The following C12orf54 variants were observed in gnomAD, a reference collection of about 807,000 sequenced individuals.
C12orf54 encodes uncharacterized protein C12orf54.
C12orf54 carries 24 observed loss-of-function variants against 26.4 expected under a neutral mutation model. That is an observed-to-expected ratio of 0.91 (90% CI 0.66 to 1.28). The LOEUF is 1.28. Ranked by LOEUF, C12orf54 falls within the 50% of genes most tolerant of loss-of-function variation. The probability of loss-of-function intolerance (pLI) is 0.00; values close to 1 mark genes in which losing one functional copy is unlikely to be tolerated. For missense variants in C12orf54, 154 were observed against 150.9 expected (o/e 1.02, Z -0.11); for synonymous variants, 54 against 47.0 (o/e 1.15, Z -0.61).
At chr12:48,446,282 A>C in the C12orf54 span, among the ~76,000 whole-genome samples, 1 of 152,228 alleles carries the variant, frequency 6.6e-6, no homozygotes, top group Non-Finnish European at 1.5e-5. Flanking sequence ...TAAAGACTTT[A>C]AAAAGCTTTT....
At chr12:48,447,930 T>C in the C12orf54 span, among the ~76,000 whole-genome samples, 1 of 152,150 alleles carries the variant, frequency 6.6e-6, no homozygotes, top group East Asian at 1.9e-4. Context: ...AAGTGACCTA[T>C]TGTTTGTTGC....
At chr12:48,453,996 G>A in the C12orf54 span, among the ~76,000 whole-genome samples, 1 of 151,894 alleles carries the variant, frequency 6.6e-6, no homozygotes, top group African/African-American at 2.4e-5. Context: ...GATACCATGA[G>A]GTCAGGGAAC....
chr12:48,437,434 C>A, the C12orf54 span, among the ~76,000 whole-genome samples: 20 of 152,056 alleles, frequency 1.3e-4, no homozygotes, highest in Non-Finnish European at 2.2e-4. Context: ...CAAAGCCGGG[C>A]AGAGACACAA....
At chr12:48,462,306 C>G in the C12orf54 span, among the ~76,000 whole-genome samples, 5 of 151,562 alleles carry the variant, frequency 3.3e-5, 1 homozygote, top group East Asian at 9.7e-4. Context: ...TTACTAATGA[C>G]TTCCACATTT....
the C12orf54 span, among the ~76,000 whole-genome samples, chr12:48,425,998 G>A: frequency 6.7e-5 from 10 of 149,030 alleles, no homozygotes; most frequent in Non-Finnish European, 1.2e-4. Context: ...TTTGTCAGAT[G>A]TATAGCTTGC....
At chr12:48,417,007 A>C in the C12orf54 span, 1 of 152,202 alleles carries the variant, frequency 6.6e-6, no homozygotes, top group Non-Finnish European at 1.5e-5. Flanking sequence ...ACCATGTTAT[A>C]TGACACAGCA....
At chr12:48,423,497 C>CA in the C12orf54 span, among the ~76,000 whole-genome samples, 2 of 151,870 alleles carry the variant, frequency 1.3e-5, no homozygotes, top group Non-Finnish European at 2.9e-5. Context: ...TGAAAGTATG[C>CA]AAAAATTCAG....
chr12:48,438,065 C>T, the C12orf54 span, among the ~76,000 whole-genome samples: 6 of 152,114 alleles, frequency 3.9e-5, no homozygotes, highest in South Asian at 8.3e-4. Flanking sequence ...TCTCAGGATA[C>T]AAAATCAATG....
intron 5 of C12orf54, among the ~76,000 whole-genome samples, chr12:48,489,849 G>A (rs1380223310): frequency 1.3e-5 from 2 of 151,934 alleles, no homozygotes; most frequent in Non-Finnish European, 2.9e-5. Context: ...AGTCTCCTGG[G>A]TAACTGGGAT....
chr12:48,471,571 T>G, the C12orf54 span, among the ~76,000 whole-genome samples: 9 of 152,206 alleles, frequency 5.9e-5, no homozygotes, highest in Non-Finnish European at 1.2e-4. Flanking sequence ...GGCTAGCCAG[T>G]TATCCCAGCA....
the C12orf54 span, among the ~76,000 whole-genome samples, chr12:48,455,544 A>G: frequency 0.064 from 9,782 of 152,292 alleles, 1,060 homozygotes; most frequent in African/African-American, 0.22. Context: ...AGTCTTTGTC[A>G]GAGACACAAC....
At chr12:48,423,625 T>C in the C12orf54 span, among the ~76,000 whole-genome samples, 1 of 152,112 alleles carries the variant, frequency 6.6e-6, no homozygotes, top group Non-Finnish European at 1.5e-5. Context: ...GCACTCTGGC[T>C]TCCTCTATCA....
the C12orf54 span, among the ~76,000 whole-genome samples, chr12:48,447,189 GCTCT>G: frequency 1.5e-4 from 21 of 143,932 alleles, no homozygotes; most frequent in East Asian, 1.0e-3. Context: ...AGATATGAGA[GCTCT>G]CTCTCTCTCT....
chr12:48,456,020 C>T, the C12orf54 span, among the ~76,000 whole-genome samples: 2 of 152,172 alleles, frequency 1.3e-5, no homozygotes, highest in South Asian at 4.1e-4. Flanking sequence ...CTCATTTCTT[C>T]TCACAAAAAG....
At chr12:48,417,935 CA>C in the C12orf54 span, among the ~76,000 whole-genome samples, 34 of 152,276 alleles carry the variant, frequency 2.2e-4, no homozygotes, top group African/African-American at 8.2e-4. Context: ...TATGGCTGCA[CA>C]GTATTCCATG....
the C12orf54 span, among the ~76,000 whole-genome samples, chr12:48,457,280 GTT>G: frequency 0.099 from 13,939 of 140,464 alleles, 1,158 homozygotes; most frequent in East Asian, 0.39. Flanking sequence ...TTTTGTTGTT[GTT>G]GTTGGTGGTG....
the C12orf54 span, among the ~76,000 whole-genome samples, chr12:48,445,920 G>A: frequency 6.6e-6 from 1 of 152,164 alleles, no homozygotes; most frequent in Non-Finnish European, 1.5e-5. Context: ...AGTGGGGAGG[G>A]TACCCTTAAA....
At chr12:48,481,125 A>G (rs940583322), upstream of C12orf54, among the ~76,000 whole-genome samples, 9 of 152,200 alleles carry the variant, frequency 5.9e-5, no homozygotes, top group African/African-American at 2.2e-4. Context: ...CAGGATCAAT[A>G]GAAGCCCAAA....
At chr12:48,488,657 T>C (rs145158565) in intron 4 of C12orf54, among the ~76,000 whole-genome samples, 8 of 152,334 alleles carry the variant, frequency 5.3e-5, no homozygotes, top group Non-Finnish European at 7.3e-5. Context: ...GGTTTCATTA[T>C]ACATTCAATG....
Sources: allele counts gnomAD v4.1 joint callset (sites outside exome capture counted in the v4.1 genomes callset), GRCh38; gene constraint gnomAD v4.1.1; transcripts MANE v1.5; gene names NCBI Gene and HGNC (gene_info 2026-07-23, HGNC 2026-07-21).